PTPRK: variants seen among roughly 807,000 people sequenced by gnomAD.
The protein encoded by PTPRK is receptor-type tyrosine-protein phosphatase kappa.
A neutral mutation model predicts 178.0 loss-of-function variants in PTPRK; 75 were observed. The observed-to-expected ratio is 0.42, with a 90% CI of 0.35 to 0.51. The LOEUF (loss-of-function observed/expected upper bound fraction) is 0.51, where lower values mean the gene tolerates loss of function less well. PTPRK is among the 20% of genes least tolerant of loss of function. PTPRK has a pLI of 0.02. For missense variants in PTPRK, 1,441 were observed against 1,797.8 expected, an observed-to-expected ratio of 0.80 and a Z score of 3.59; for synonymous variants, 637 against 620.6, an observed-to-expected ratio of 1.03 and a Z score of -0.39.
At chr6:128,514,767 G>A (rs1179161530) in intron 1 of PTPRK, among the ~76,000 whole-genome samples, 4 of 152,122 alleles carry the variant, frequency 2.6e-5, no homozygotes, top group African/African-American at 7.2e-5. Flanking sequence ...AATGTTCCAC[G>A]AGAGGATCAA....
intron 13 of PTPRK, among the ~76,000 whole-genome samples, chr6:128,049,366 G>GTTTT (rs1778619996): frequency 6.6e-6 from 1 of 151,960 alleles, no homozygotes; most frequent in Admixed American, 6.6e-5. Context: ...CCATACCATT[G>GTTTT]GTTTTGTTTC....
At chr6:128,499,011 TTTATTTACATAGTG>T (rs1196575372) in intron 1 of PTPRK, among the ~76,000 whole-genome samples, 11 of 152,186 alleles carry the variant, frequency 7.2e-5, no homozygotes, top group Admixed American at 6.5e-4. Context: ...TAAATCGAGT[TTTATTTACATAGTG>T]TTATTTTGTT....
chr6:128,313,464 T>G (rs183944443), intron 3 of PTPRK, among the ~76,000 whole-genome samples: 1 of 152,208 alleles, frequency 6.6e-6, no homozygotes, highest in East Asian at 1.9e-4. Context: ...GAGAGACCAC[T>G]GAGTGCAGAG....
intron 16 of PTPRK, among the ~76,000 whole-genome samples, chr6:127,997,529 G>C (rs1258556051): frequency 6.6e-6 from 1 of 152,056 alleles, no homozygotes; most frequent in Non-Finnish European, 1.5e-5. Flanking sequence ...CCTTCTTCAA[G>C]AATCTGGGAA....
At chr6:128,056,673 C>T (rs945206502) in intron 13 of PTPRK, among the ~76,000 whole-genome samples, 1 of 152,098 alleles carries the variant, frequency 6.6e-6, no homozygotes, top group Non-Finnish European at 1.5e-5. Context: ...ATACACCTGC[C>T]TCGGCCTCCC....
At chr6:128,274,023 A>G (rs979191506) in intron 3 of PTPRK, among the ~76,000 whole-genome samples, 6 of 152,156 alleles carry the variant, frequency 3.9e-5, no homozygotes, top group Non-Finnish European at 1.5e-5. Flanking sequence ...AGTGAAAACA[A>G]CAGAATCTAC....
chr6:128,037,759 G>A (rs1776468591), intron 13 of PTPRK, among the ~76,000 whole-genome samples: 1 of 151,834 alleles, frequency 6.6e-6, no homozygotes, highest in Non-Finnish European at 1.5e-5. Flanking sequence ...CTGGTTATTT[G>A]GTTAAATCTA....
intron 1 of PTPRK, among the ~76,000 whole-genome samples, chr6:128,505,911 C>T (rs562355109): frequency 4.9e-4 from 75 of 152,306 alleles, no homozygotes; most frequent in African/African-American, 1.6e-3. Context: ...ACCCAGAGAA[C>T]AGCAGCTTGA....
At chr6:128,198,940 A>G (rs1041543694) in intron 6 of PTPRK, among the ~76,000 whole-genome samples, 8 of 152,240 alleles carry the variant, frequency 5.3e-5, no homozygotes, top group Admixed American at 5.2e-4. Context: ...AAAAGTATTA[A>G]CATAAGAAGA....
At chr6:128,248,756 A>G (rs958453579) in intron 3 of PTPRK, among the ~76,000 whole-genome samples, 3 of 152,206 alleles carry the variant, frequency 2.0e-5, no homozygotes, top group African/African-American at 4.8e-5. Flanking sequence ...GCTTTATAGG[A>G]AGTTTGTCTG....
intron 2 of PTPRK, among the ~76,000 whole-genome samples, chr6:128,358,028 T>C (rs1204256215): frequency 1.3e-5 from 2 of 152,212 alleles, no homozygotes. Flanking sequence ...GCCGTATGAA[T>C]GACAATTTTA....
At chr6:128,514,194 T>C (rs966512283) in intron 1 of PTPRK, among the ~76,000 whole-genome samples, 2 of 152,228 alleles carry the variant, frequency 1.3e-5, no homozygotes, top group African/African-American at 2.4e-5. Context: ...TAGTATACAG[T>C]ATAGATTATA....
chr6:128,184,557 G>C lies in PTPRK; in HGVS notation c.1037C>G (p.Pro346Arg). The C allele has an allele frequency of 6.2e-7, 1 of 1,613,948 alleles. No homozygotes were observed. The highest frequency in any genetic ancestry group is 1.3e-5 in the African/African-American group (1 of 75,014). Residue 346 changes from proline (P) to arginine (R), a missense_variant, in exon 7 of 30, where the codon CCA (proline) becomes CGA (arginine). Around this residue, in one of 4 missense-constraint regions of PTPRK, gnomAD observed 945 missense variants for 1,080.6 expected, o/e 0.87. Transcript: ENST00000368226. ...SWTETHAVNAPTYKLWHLDPD... is the reference protein window; with the variant it reads ...SWTETHAVNARTYKLWHLDPD... ...ATCTAAATGCCATAATTTGTAAGTT[G>C]GAGCATTGACTGCATGGGTTTCTGT...
At chr6:128,397,475 CAT>C in intron 2 of PTPRK, 89 bp downstream of exon 2, 1 of 1,471,924 alleles carries the variant, frequency 6.8e-7, no homozygotes, top group Non-Finnish European at 9.4e-7. Flanking sequence ...TTATTATAAC[CAT>C]TAAATTATTG....
intron 2 of PTPRK, 133 bp from the exon 3 acceptor site, chr6:128,322,443 G>C (rs1303249667): frequency 2.5e-6 from 2 of 799,638 alleles, no homozygotes; most frequent in African/African-American, 3.5e-5. Context: ...CACAGCCACA[G>C]AAATACATCA....
chr6:128,399,370 G>T (rs955475889), intron 1 of PTPRK, among the ~76,000 whole-genome samples: 1 of 152,156 alleles, frequency 6.6e-6, no homozygotes, highest in African/African-American at 2.4e-5. Context: ...AGAATATGTT[G>T]AGTGTATTCT....
chr6:128,464,195 A>C (rs1257602709), intron 1 of PTPRK, among the ~76,000 whole-genome samples: 1 of 151,492 alleles, frequency 6.6e-6, no homozygotes, highest in Non-Finnish European at 1.5e-5. Context: ...AAAAATACAC[A>C]AAAAAAAATC....
intron 7 of PTPRK, among the ~76,000 whole-genome samples, chr6:128,124,765 C>A (rs1350265359): frequency 6.6e-6 from 1 of 152,150 alleles, no homozygotes; most frequent in Non-Finnish European, 1.5e-5. Flanking sequence ...AGCTGGAGAC[C>A]TGAATAGACA....
intron 7 of PTPRK, among the ~76,000 whole-genome samples, chr6:128,111,649 AG>A (rs1386273850): frequency 3.6e-4 from 55 of 152,226 alleles, no homozygotes; most frequent in African/African-American, 1.3e-3. Context: ...CCTCCATGAG[AG>A]TCACTCTCTC....
Sources: gnomAD v4.1 joint callset for allele counts (sites outside exome capture counted in the v4.1 genomes callset) on GRCh38, gnomAD v4.1.1 for gene constraint, gnomAD v4.1.1 regional missense constraint, MANE v1.5 for transcripts, NCBI Gene and HGNC (gene_info 2026-07-23, HGNC 2026-07-21) for gene names.